The following MGAT5 variants were observed in gnomAD, a reference collection of about 807,000 sequenced individuals.
MGAT5 encodes alpha-1,6-mannosylglycoprotein 6-beta-N-acetylglucosaminyltransferase A.
A neutral mutation model predicts 94.3 loss-of-function variants in MGAT5; 30 were observed. That is an observed-to-expected ratio of 0.32 (90% CI 0.24 to 0.43). MGAT5 has a LOEUF of 0.43. Among genes scored for constraint, MGAT5 ranks in the 20% least tolerant of loss-of-function variants. The probability of loss-of-function intolerance (pLI) is 1.00; values close to 1 mark genes in which losing one functional copy is unlikely to be tolerated. For synonymous variants in MGAT5, 310 were observed against 322.9 expected, an observed-to-expected ratio of 0.96 and a Z score of 0.43; for missense variants, 691 against 905.5, an observed-to-expected ratio of 0.76 and a Z score of 3.04.
chr2:134,426,175 A>G (rs1684576778), intron 13 of MGAT5, among the ~76,000 whole-genome samples: 1 of 152,040 alleles, frequency 6.6e-6, no homozygotes, highest in Non-Finnish European at 1.5e-5. Context: ...CACAGGGTCC[A>G]GCAATATAGA....
At chr2:134,338,018 C>G (rs1463380454) in intron 5 of MGAT5, among the ~76,000 whole-genome samples, 1 of 152,134 alleles carries the variant, frequency 6.6e-6, no homozygotes, top group Admixed American at 6.6e-5. Context: ...AATGCCTGTG[C>G]TGCTTTTCTC....
At chr2:134,156,875 T>C (rs1239202927) in intron 1 of MGAT5, among the ~76,000 whole-genome samples, 3 of 152,174 alleles carry the variant, frequency 2.0e-5, no homozygotes, top group Admixed American at 6.5e-5. Context: ...AACTGGGACG[T>C]TGGACTCGGA....
intron 14 of MGAT5, 57 bp downstream of exon 14, chr2:134,428,496 T>C (rs1684709990): frequency 6.1e-6 from 9 of 1,486,356 alleles, no homozygotes; most frequent in Non-Finnish European, 6.6e-6. Flanking sequence ...TGTGACGCCA[T>C]AGGGCTCTCA....
At chr2:134,187,064 AC>A (rs1480053227) in intron 1 of MGAT5, among the ~76,000 whole-genome samples, 1 of 152,148 alleles carries the variant, frequency 6.6e-6, no homozygotes, top group Non-Finnish European at 1.5e-5. Context: ...TGAGGCAGGA[AC>A]AAACTTGACC....
intron 15 of MGAT5, among the ~76,000 whole-genome samples, chr2:134,442,859 C>G (rs1685563008): frequency 7.0e-6 from 1 of 143,858 alleles, no homozygotes; most frequent in Non-Finnish European, 1.5e-5. Flanking sequence ...ATGCAAGAGA[C>G]TAGCCTACAA....
At chr2:134,321,076 A>G (rs563112190) in intron 4 of MGAT5, among the ~76,000 whole-genome samples, 70 of 152,274 alleles carry the variant, frequency 4.6e-4, no homozygotes, top group African/African-American at 1.7e-3. Flanking sequence ...GATAGCATTT[A>G]TATGAGTTTC....
At chr2:134,247,118 A>T (rs1242066233) in intron 1 of MGAT5, among the ~76,000 whole-genome samples, 1 of 152,238 alleles carries the variant, frequency 6.6e-6, no homozygotes, top group Non-Finnish European at 1.5e-5. Context: ...TTTAAAGAAT[A>T]ACTTACCAAG....
At chr2:134,264,025 T>TTA (rs199609723) in intron 1 of MGAT5, among the ~76,000 whole-genome samples, 9,675 of 146,436 alleles carry the variant, frequency 0.066, 463 homozygotes, top group East Asian at 0.14. Context: ...AGGTTTTTTT[T>TTA]TTTTTTTTTT....
intron 1 of MGAT5, among the ~76,000 whole-genome samples, chr2:134,214,312 A>G (rs1680352047): frequency 6.6e-6 from 1 of 152,014 alleles, no homozygotes; most frequent in Admixed American, 6.6e-5. Flanking sequence ...GGGGCATGCA[A>G]AGTGATGCTT....
chr2:134,345,872 A>ATGCT (rs1302411679), intron 8 of MGAT5, among the ~76,000 whole-genome samples: 3 of 152,168 alleles, frequency 2.0e-5, no homozygotes, highest in Non-Finnish European at 2.9e-5. Context: ...TAAAGGTTAT[A>ATGCT]TGCTTTTTTT....
intron 2 of MGAT5, among the ~76,000 whole-genome samples, chr2:134,308,076 T>G (rs1686434784): frequency 6.6e-6 from 1 of 152,158 alleles, no homozygotes. Flanking sequence ...TGTAGTAGAA[T>G]GAAGGATAAT....
rs1553490404 is a variant in MGAT5 at position 134,189,606 on chromosome 2, T to TTTTTTTTTTTTTTTTG, written c.-142-64642_-142-64641insTGTTTTTTTTTTTTTT. ...TCATGGCTCTAGTTTTTTTTTGTTTTTTTTTTTTTTTTTTAAGACAGAGTC... is the reference window on the plus strand; with the variant it reads ...TCATGGCTCTAGTTTTTTTTTGTTTTTTTTTTTTTTTTTTTGTTTTTTTTTTTTTTAAGACAGAGTC... On this transcript the variant is annotated intron_variant, in intron 1 of 16. Coordinates refer to the MGAT5 transcript ENST00000409645. Among the ~76,000 whole-genome samples the TTTTTTTTTTTTTTTTG allele has an allele frequency of 2.7e-4, 29 of 108,564 alleles. 1 individual carries two copies. The highest frequency in any genetic ancestry group is 4.3e-4 in the Non-Finnish European group (23 of 53,562). The allele number at this position is 108,564 out of a possible 152,430, so 71.2% of individuals were successfully genotyped here.
In MGAT5 at chr2:134,268,196, A is replaced by C. The variant is rs549285864; in HGVS notation, c.242-2190A>C. 6.6e-6 allele frequency among the ~76,000 whole-genome samples: 1 copy of C among 152,188 alleles called. No individual in the cohort carries two copies. The highest frequency in any genetic ancestry group is 1.5e-5 in the Non-Finnish European group (1 of 68,034). On this transcript the variant is annotated intron_variant, in intron 1 of 15. Coordinates refer to ENST00000281923, the MANE Select transcript of MGAT5 (RefSeq NM_002410.5). This position sits in a 1 kb window ranked among gnomAD's most constrained non-coding sequence, Gnocchi z 4.1. ...GTTGAGAAATCCTGAGTTAAGTCAC[A>C]CTAGAGGGCCAGGGCTTCTGTGCTT...
Position 134,292,501 on chromosome 2 carries a change from G to C in MGAT5, c.406+21951G>C, listed in dbSNP as rs568677349. On this transcript the variant is annotated intron_variant, in intron 2 of 15. Coordinates refer to ENST00000281923, the MANE Select transcript of MGAT5 (RefSeq NM_002410.5). Reference sequence around the variant, plus strand: ...TTCTGTTGCCGGGTCTGCTGCTAACGGAAGGTTTAAACGTGGGGATAAAGC... The same window carrying C: ...TTCTGTTGCCGGGTCTGCTGCTAACCGAAGGTTTAAACGTGGGGATAAAGC... 1.1e-3 allele frequency among the ~76,000 whole-genome samples: 175 copies of C among 152,240 alleles called. 1 individual carries two copies. The highest frequency in any genetic ancestry group is 4.0e-3 in the African/African-American group (166 of 41,540).
rs189230088 is a variant in MGAT5, at chr2:134,344,920, G to A, written c.978-10G>A. On this transcript the variant is annotated splice_polypyrimidine_tract_variant and intron_variant, in intron 7 of 15. Coordinates refer to ENST00000281923, the MANE Select transcript of MGAT5 (RefSeq NM_002410.5). ...TCTTTTTTCTCCCCTCTCTTTTGCC[G>A]TTTCTCTAGAATCATGAAGAAGGTT... is the stretch of plus-strand genomic sequence containing the variant. The A allele has an allele frequency of 3.0e-5, 48 of 1,609,232 alleles. No homozygotes were observed. In the East Asian group the frequency reaches 5.4e-4, roughly 18 times the overall value.
At chr2:134,441,939 G>C in intron 15 of MGAT5, 24 bp downstream of exon 15, 2 of 1,607,882 alleles carry the variant, frequency 1.2e-6, no homozygotes, top group Non-Finnish European at 1.7e-6. Flanking sequence ...GGTGGGGGTG[G>C]GGACTCAGCC....
At chr2:134,281,516 G>A (rs1684695221) in intron 2 of MGAT5, among the ~76,000 whole-genome samples, 1 of 152,178 alleles carries the variant, frequency 6.6e-6, no homozygotes. Context: ...TATTGGCTTT[G>A]CCTGACCTTT....
intron 1 of MGAT5, among the ~76,000 whole-genome samples, chr2:134,166,881 G>T (rs1323852925): frequency 6.6e-6 from 1 of 152,194 alleles, no homozygotes. Context: ...AATTCACTTA[G>T]ATAAATGAGA....
rs74833024 is a variant in MGAT5, at chr2:134,394,179, G to T, written c.1381-8809G>T. 5.8e-3 allele frequency among the ~76,000 whole-genome samples: 881 copies of T among 152,212 alleles called. 6 individuals carry two copies. Among genetic ancestry groups the T allele is most frequent in the African/African-American group, 0.019 (802 of 41,518 alleles). On this transcript the variant is annotated intron_variant, in intron 10 of 15. Transcript: ENST00000281923. ...CATTGGAGCTGCCAAATGTGATTTTGCAGACAGGTCTTATCTTTCTCCCTT... is the reference window on the plus strand; with the variant it reads ...CATTGGAGCTGCCAAATGTGATTTTTCAGACAGGTCTTATCTTTCTCCCTT...
Sources: allele counts gnomAD v4.1 joint callset (sites outside exome capture counted in the v4.1 genomes callset), GRCh38; gene constraint gnomAD v4.1.1; non-coding constraint Gnocchi (gnomAD v3.1); transcripts MANE v1.5; gene names NCBI Gene and HGNC (gene_info 2026-07-23, HGNC 2026-07-21).